The following TET2 variants were observed in gnomAD, a reference collection of about 807,000 sequenced individuals.
TET2 encodes the protein tet methylcytosine dioxygenase 2.
In TET2, 299 loss-of-function variants were observed where a neutral mutation model predicts 142.9. That is an observed-to-expected ratio of 2.09 (90% CI 1.90 to 2.30). The LOEUF (loss-of-function observed/expected upper bound fraction) is 2.30, where lower values mean the gene tolerates loss of function less well. Among genes scored for constraint, TET2 ranks in the 30% most tolerant of loss-of-function variants. The probability of loss-of-function intolerance (pLI) is 0.00; values close to 1 mark genes in which losing one functional copy is unlikely to be tolerated. For missense variants in TET2, 2,418 were observed against 2,378.0 expected (o/e 1.02, Z -0.35); for synonymous variants, 819 against 849.0 (o/e 0.96, Z 0.61).
chr4:105,182,422 C>T (rs1379968251), intron 1 of TET2, among the ~76,000 whole-genome samples: 1 of 152,194 alleles, frequency 6.6e-6, no homozygotes, highest in African/African-American at 2.4e-5. Flanking sequence ...GACATATGAG[C>T]TGTTAAATAT....
At chr4:105,183,578 G>A (rs996694808) in intron 1 of TET2, among the ~76,000 whole-genome samples, 3 of 152,010 alleles carry the variant, frequency 2.0e-5, no homozygotes, top group East Asian at 3.9e-4. Flanking sequence ...CTAAGTGATC[G>A]GCTCAAGATC....
At chr4:105,214,470 C>CT (rs1268228502) in intron 2 of TET2, among the ~76,000 whole-genome samples, 11 of 130,574 alleles carry the variant, frequency 8.4e-5, no homozygotes, top group Non-Finnish European at 9.6e-5. Flanking sequence ...CCACACCTGG[C>CT]ATTTTTTTTT....
At chr4:105,173,618 A>G (rs1219458057) in intron 1 of TET2, among the ~76,000 whole-genome samples, 1 of 152,184 alleles carries the variant, frequency 6.6e-6, no homozygotes, top group Non-Finnish European at 1.5e-5. Context: ...AAGAAATTCT[A>G]GTTTTGAAAA....
intron 1 of TET2, among the ~76,000 whole-genome samples, chr4:105,182,538 T>C (rs1184153028): frequency 6.6e-6 from 1 of 152,234 alleles, no homozygotes; most frequent in African/African-American, 2.4e-5. Context: ...ACACTTGCAA[T>C]TTTGCAGAAT....
chr4:105,176,269 T>G (rs1475917405), intron 1 of TET2, among the ~76,000 whole-genome samples: 1 of 152,152 alleles, frequency 6.6e-6, no homozygotes, highest in Non-Finnish European at 1.5e-5. Flanking sequence ...CCACTTTGTT[T>G]CCTACTGGAA....
Position 105,236,212 on chromosome 4 carries a change from T to C in TET2, c.2270T>C (p.Leu757Pro). 1 of 1,613,984 alleles carries C rather than the reference T, an allele frequency of 6.2e-7. No individual in the cohort carries two copies. Among genetic ancestry groups the C allele is most frequent in the Non-Finnish European group, 8.5e-7 (1 of 1,179,992 alleles). The change falls in exon 3 of 11, where the codon CTC becomes CCC. Residue 757 changes from leucine to proline, a missense_variant. Leu to Pro is a moderately conservative substitution (Grantham distance 98, BLOSUM62 -3). Transcript: ENST00000380013. ...CAAATAAAGAATAAAGAGGAAATACTCCAGACTTTTCCTCACCCCCAAAGC... is the reference window on the plus strand; with the variant it reads ...CAAATAAAGAATAAAGAGGAAATACCCCAGACTTTTCCTCACCCCCAAAGC... ...KLQIKNKEEILQTFPHPQSNN... is the reference protein window; with the variant it reads ...KLQIKNKEEIPQTFPHPQSNN...
chr4:105,147,656 A>G (rs1038041711), intron 1 of TET2: 1 of 152,216 alleles, frequency 6.6e-6, no homozygotes, highest in African/African-American at 2.4e-5. Context: ...TTCCCCAAAC[A>G]AGACCAGAAC....
At position 105,259,691 on chromosome 4, in the gene TET2, C is replaced by A. The variant is rs1730326527; in HGVS notation, c.3876C>A (p.Ser1292Arg). ...CCTTCTCTTTTGGTTGTTCATGGAG[C>A]ATGTACTACAATGGATGTAAGTTTG... is the stretch of plus-strand genomic sequence containing the variant. ...GASFSFGCSW[S>R]MYYNGCKFAR... Residue 1292 changes from serine (S) to arginine (R), a missense_variant, in exon 7 of 11, where the codon AGC becomes AGA. By Grantham distance (110) the Ser-to-Arg change is moderately radical (BLOSUM62 -1). Transcript: ENST00000380013. 6.4e-7 allele frequency: 1 copy of A among 1,551,148 alleles called. No homozygotes were observed. Among genetic ancestry groups the A allele is most frequent in the Non-Finnish European group, 8.7e-7 (1 of 1,146,602 alleles).
chr4:105,266,206 TC>T (rs1035484946), intron 8 of TET2, among the ~76,000 whole-genome samples: 1 of 152,148 alleles, frequency 6.6e-6, no homozygotes, highest in Admixed American at 6.6e-5. Flanking sequence ...GGAGAAGACT[TC>T]ATAATACTAT....
In TET2 at chr4:105,275,545, T is replaced by G. The variant is rs773492425; in HGVS notation, c.5035T>G (p.Tyr1679Asp). 6.4e-7 allele frequency: 1 copy of G among 1,551,736 alleles called. No individual in the cohort carries two copies. Among genetic ancestry groups the G allele is most frequent in the South Asian group, 1.2e-5 (1 of 84,066 alleles). The change falls in exon 11 of 11, where the codon TAC (tyrosine) becomes GAC (aspartate). Residue 1679 changes from tyrosine (Y) to aspartate (D), a missense_variant. Coordinates refer to ENST00000380013, the MANE Select transcript of TET2 (RefSeq NM_001127208.3). ...KLSLPPIHTLYQPRFGNSQSF... is the reference protein window; with the variant it reads ...KLSLPPIHTLDQPRFGNSQSF... Reference sequence around the variant, plus strand: ...CAGTCTACCACCCATCCATACACTTTACCAGCCAAGGTTTGGAAATAGCCA... The same window carrying G: ...CAGTCTACCACCCATCCATACACTTGACCAGCCAAGGTTTGGAAATAGCCA...
Position 105,234,449 on chromosome 4 carries a change from T to C in TET2, c.507T>C (p.His169=), listed in dbSNP as rs752801743. The C allele has an allele frequency of 5.0e-6, 8 of 1,614,008 alleles. No individual in the cohort carries two copies. The South Asian group carries it at 5.5e-5, about 11-fold the overall frequency. Reference sequence around the variant, plus strand: ...AAGATTTCACCAGTTTTTCAACACATAACTGCAGTGGGCCTGAAAATCCAG... The same window carrying C: ...AAGATTTCACCAGTTTTTCAACACACAACTGCAGTGGGCCTGAAAATCCAG... ...AVKDFTSFST[H]NCSGPENPEL... The change falls in exon 3 of 11, where the codon CAT becomes CAC. Residue 169 remains histidine (H), a synonymous_variant. Transcript: ENST00000380013.
intron 8 of TET2, among the ~76,000 whole-genome samples, chr4:105,264,465 G>A (rs1040059239): frequency 1.3e-5 from 2 of 152,074 alleles, no homozygotes; most frequent in African/African-American, 4.8e-5. Context: ...GAATAACAAA[G>A]CATTGATGTT....
intron 2 of TET2, among the ~76,000 whole-genome samples, chr4:105,213,151 C>T (rs1308558896): frequency 1.3e-5 from 2 of 152,054 alleles, no homozygotes; most frequent in Non-Finnish European, 2.9e-5. Context: ...AATTCTTTTT[C>T]TGACATAGAA....
chr4:105,237,423 T>C (rs1560548615), intron 3 of TET2, 72 bp downstream of exon 3: 2 of 1,613,786 alleles, frequency 1.2e-6, no homozygotes, highest in African/African-American at 2.7e-5. Context: ...AGATATGGGA[T>C]TTTCCTTCTT....
rs1416693106 is a variant in TET2 at position 105,279,280 on chromosome 4, G to A, written c.*2761G>A. On this transcript the variant is annotated 3_prime_UTR_variant, in exon 11 of 11. Coordinates refer to ENST00000380013, the MANE Select transcript of TET2 (RefSeq NM_001127208.3). Reference sequence around the variant, plus strand: ...AACTGCTGGCCAACAAGAACAGGAAGTATAGTTTGGGGGGTTGGGGAGAGT... The same window carrying A: ...AACTGCTGGCCAACAAGAACAGGAAATATAGTTTGGGGGGTTGGGGAGAGT... 1 of 231,922 alleles carries A rather than the reference G, an allele frequency of 4.3e-6. No homozygotes were observed. The highest frequency in any genetic ancestry group is 2.2e-5 in the African/African-American group (1 of 45,270). 14.4% of individuals were successfully genotyped at this position (231,922 alleles called of 1,614,324 possible). A position where few individuals can be genotyped will look rare whatever the true frequency, so the allele number is the denominator to read the frequency against.
intron 8 of TET2, among the ~76,000 whole-genome samples, chr4:105,266,113 A>G (rs1217494368): frequency 6.6e-6 from 1 of 152,186 alleles, no homozygotes; most frequent in Non-Finnish European, 1.5e-5. Flanking sequence ...CTAGGTAGGG[A>G]AAGAACCATC....
intron 2 of TET2, among the ~76,000 whole-genome samples, chr4:105,217,709 G>A (rs1052067548): frequency 6.6e-6 from 1 of 151,924 alleles, no homozygotes; most frequent in Non-Finnish European, 1.5e-5. Flanking sequence ...TTTTTCTCAG[G>A]CTGGTTCTCC....
intron 2 of TET2, among the ~76,000 whole-genome samples, chr4:105,222,443 A>G (rs1208157539): frequency 7.9e-5 from 12 of 151,972 alleles, no homozygotes; most frequent in Non-Finnish European, 1.5e-4. Flanking sequence ...TGTGGTTTTG[A>G]TTTTCATTTC....
intron 5 of TET2, 105 bp downstream of exon 5, chr4:105,243,032 A>G: frequency 2.3e-6 from 2 of 862,690 alleles, no homozygotes; most frequent in Non-Finnish European, 3.7e-6. Context: ...CATGCCAGTT[A>G]AAAAGAACAT....
Sources: allele counts gnomAD v4.1 joint callset (sites outside exome capture counted in the v4.1 genomes callset), GRCh38; gene constraint gnomAD v4.1.1; transcripts MANE v1.5; gene names NCBI Gene and HGNC (gene_info 2026-07-23, HGNC 2026-07-21).